The following DOK5 variants were observed in gnomAD, a reference collection of about 807,000 sequenced individuals.
DOK5 encodes docking protein 5, also known as downstream of tyrosine kinase 5.
DOK5 carries 27 observed loss-of-function variants against 43.3 expected under a neutral mutation model. The observed-to-expected ratio is 0.62, with a 90% CI of 0.46 to 0.86. DOK5 has a LOEUF of 0.86. Among genes scored for constraint, DOK5 ranks in the 40% least tolerant of loss-of-function variants. The probability of loss-of-function intolerance (pLI) is 0.00; values close to 1 mark genes in which losing one functional copy is unlikely to be tolerated. For missense variants in DOK5, 373 were observed against 392.9 expected, an observed-to-expected ratio of 0.95 and a Z score of 0.43; for synonymous variants, 146 against 140.1, an observed-to-expected ratio of 1.04 and a Z score of -0.30.
Position 54,650,687 on chromosome 20 carries a change from C to T in DOK5, c.*208C>T, listed in dbSNP as rs1907981984. ...AAATTCTTAGTGTAATTGAAACGTGCTCTATAGATATTGACTCTGTGTTCC... is the reference window on the plus strand; with the variant it reads ...AAATTCTTAGTGTAATTGAAACGTGTTCTATAGATATTGACTCTGTGTTCC... On this transcript the variant is annotated 3_prime_UTR_variant, in exon 8 of 8. Coordinates refer to ENST00000262593, the MANE Select transcript of DOK5 (RefSeq NM_018431.5). 2.1e-6 allele frequency: 1 copy of T among 486,740 alleles called. No homozygotes were observed. Among genetic ancestry groups the T allele is most frequent in the African/African-American group, 2.0e-5 (1 of 50,608 alleles). 30.2% of individuals were successfully genotyped at this position (486,740 alleles called of 1,614,324 possible). A position where few individuals can be genotyped will look rare whatever the true frequency, so the allele number is the denominator to read the frequency against.
chr20:54,605,755 C>G, intron 5 of DOK5, among the ~76,000 whole-genome samples: 1 of 152,176 alleles, frequency 6.6e-6, no homozygotes, highest in East Asian at 1.9e-4. Flanking sequence ...GTAAACCAAG[C>G]CATGCTCTAG....
At chr20:54,547,535 T>G (rs1413154702) in intron 1 of DOK5, among the ~76,000 whole-genome samples, 1 of 152,216 alleles carries the variant, frequency 6.6e-6, no homozygotes, top group Non-Finnish European at 1.5e-5. Flanking sequence ...TTGGTGAACT[T>G]ACCAGAATAT....
At position 54,646,248 on chromosome 20, in the gene DOK5, G is replaced by GTTTTTTTTTTTTTTTTTTTTTT. The variant is rs386394048; in HGVS notation, c.856+2673_856+2694dup. Among the ~76,000 whole-genome samples, 58 of 79,926 alleles carry GTTTTTTTTTTTTTTTTTTTTTT rather than the reference G, an allele frequency of 7.3e-4. 4 individuals carry two copies. The highest frequency in any genetic ancestry group is 1.5e-3 in the African/African-American group (29 of 18,990). The allele number at this position is 79,926 out of a possible 152,430, so 52.4% of individuals were successfully genotyped here. A position where few individuals can be genotyped will look rare whatever the true frequency, so the allele number is the denominator to read the frequency against. On this transcript the variant is annotated intron_variant, in intron 7 of 7. Transcript: ENST00000262593. ...TACTGTTATATCCACTGGTTATACTGTTTTTTTTTTTTTTTTTTTTTTTTG... is the reference window on the plus strand; with the variant it reads ...TACTGTTATATCCACTGGTTATACTGTTTTTTTTTTTTTTTTTTTTTTTTTTTTTTTTTTTTTTTTTTTTTTG...
chr20:54,632,641 G>C (rs2870333), intron 6 of DOK5, among the ~76,000 whole-genome samples: 43,025 of 152,134 alleles, frequency 0.28, 8,013 homozygotes, highest in African/African-American at 0.53. Flanking sequence ...CTCAGATTTT[G>C]TGACTTTCAC....
intron 1 of DOK5, among the ~76,000 whole-genome samples, chr20:54,498,615 G>T (rs1268841196): frequency 1.3e-5 from 2 of 152,182 alleles, no homozygotes; most frequent in African/African-American, 4.8e-5. Flanking sequence ...TTTAATTTTT[G>T]TCACACTGCA....
At chr20:54,501,918 T>C (rs928809881) in intron 1 of DOK5, among the ~76,000 whole-genome samples, 2 of 152,258 alleles carry the variant, frequency 1.3e-5, no homozygotes, top group Non-Finnish European at 2.9e-5. Context: ...TTTCCTCGGT[T>C]AATACTCTGA....
intron 6 of DOK5, among the ~76,000 whole-genome samples, chr20:54,615,654 G>A (rs999061956): frequency 6.6e-6 from 1 of 152,184 alleles, no homozygotes. Flanking sequence ...GCTCATGCCT[G>A]TAATCCCAAC....
chr20:54,496,765 C>CAAAAAAAAAAAAAAA (rs74179280), intron 1 of DOK5, among the ~76,000 whole-genome samples: 1 of 59,506 alleles, frequency 1.7e-5, no homozygotes, highest in Non-Finnish European at 3.7e-5. Context: ...GACTCCGTCT[C>CAAAAAAAAAAAAAAA]AAAAAAAAAA....
At chr20:54,482,527 G>A (rs1040774265) in intron 1 of DOK5, among the ~76,000 whole-genome samples, 6 of 152,014 alleles carry the variant, frequency 3.9e-5, no homozygotes, top group Non-Finnish European at 8.8e-5. Flanking sequence ...ATGGAGTCTC[G>A]CTCTGCTGCC....
intron 6 of DOK5, among the ~76,000 whole-genome samples, chr20:54,640,489 T>C (rs577189476): frequency 3.3e-5 from 5 of 152,372 alleles, no homozygotes; most frequent in African/African-American, 1.2e-4. Flanking sequence ...GACACAATTA[T>C]GCAGACATTT....
intron 1 of DOK5, among the ~76,000 whole-genome samples, chr20:54,504,736 AT>A (rs761540690): frequency 6.6e-6 from 1 of 152,276 alleles, no homozygotes; most frequent in East Asian, 1.9e-4. Context: ...GATTTTATTT[AT>A]CTGTAGACAG....
chr20:54,476,453 C>G (rs1027081411), intron 1 of DOK5, among the ~76,000 whole-genome samples: 1 of 152,122 alleles, frequency 6.6e-6, no homozygotes, highest in Non-Finnish European at 1.5e-5. Flanking sequence ...AACGAGGTCA[C>G]GAACCCTCTG....
intron 1 of DOK5, among the ~76,000 whole-genome samples, chr20:54,487,430 A>T (rs1363879638): frequency 2.0e-5 from 3 of 152,084 alleles, no homozygotes; most frequent in Non-Finnish European, 4.4e-5. Flanking sequence ...CTTCCTCTTT[A>T]AATAAAGCTT....
intron 1 of DOK5, among the ~76,000 whole-genome samples, chr20:54,485,225 G>A (rs1433722913): frequency 1.3e-5 from 2 of 152,032 alleles, no homozygotes; most frequent in Non-Finnish European, 2.9e-5. Context: ...TGAGGCAGGA[G>A]AATCACTTGA....
intron 2 of DOK5, among the ~76,000 whole-genome samples, chr20:54,570,689 T>C (rs1174442582): frequency 1.3e-5 from 2 of 152,066 alleles, no homozygotes; most frequent in African/African-American, 4.8e-5. Context: ...GTCAGAAACA[T>C]AGTTGATATC....
chr20:54,606,819 T>A (rs993946768), intron 5 of DOK5, among the ~76,000 whole-genome samples: 1 of 152,192 alleles, frequency 6.6e-6, no homozygotes, highest in African/African-American at 2.4e-5. Flanking sequence ...TGGGTCAGGC[T>A]GTCCAATGAA....
At chr20:54,520,007 C>T (rs1983337134) in intron 1 of DOK5, among the ~76,000 whole-genome samples, 1 of 152,152 alleles carries the variant, frequency 6.6e-6, no homozygotes, top group African/African-American at 2.4e-5. Context: ...CATACCTGCC[C>T]ACCACTGCTC....
chr20:54,554,863 A>G, intron 1 of DOK5, 70 bp from the exon 2 acceptor site: 2 of 1,001,652 alleles, frequency 2.0e-6, no homozygotes, highest in Non-Finnish European at 3.1e-6. Context: ...GAAAACATCA[A>G]AAAGAAAACA....
chr20:54,506,585 A>T (rs1982813481), intron 1 of DOK5, among the ~76,000 whole-genome samples: 1 of 152,112 alleles, frequency 6.6e-6, no homozygotes, highest in South Asian at 2.1e-4. Context: ...TCAGCCTCCC[A>T]GGTAGCTGGG....
Sources: gnomAD v4.1 joint callset for allele counts (sites outside exome capture counted in the v4.1 genomes callset) on GRCh38, gnomAD v4.1.1 for gene constraint, MANE v1.5 for transcripts, NCBI Gene and HGNC (gene_info 2026-07-23, HGNC 2026-07-21) for gene names.